The following PPP1R9A variants were observed in gnomAD, a reference collection of about 807,000 sequenced individuals.
PPP1R9A encodes neurabin-1.
PPP1R9A carries 59 observed loss-of-function variants against 141.9 expected under a neutral mutation model. The observed-to-expected ratio is 0.42, with a 90% CI of 0.34 to 0.52. The LOEUF is 0.52. Among genes scored for constraint, PPP1R9A ranks in the 20% least tolerant of loss-of-function variants. PPP1R9A has a pLI of 0.10. For synonymous variants in PPP1R9A, 500 were observed against 569.7 expected (o/e 0.88, Z 1.74); for missense variants, 1,444 against 1,611.9 (o/e 0.90, Z 1.78).
chr7:95,017,909 C>T (rs1462796521), intron 2 of PPP1R9A, among the ~76,000 whole-genome samples: 3 of 152,084 alleles, frequency 2.0e-5, no homozygotes, highest in Non-Finnish European at 4.4e-5. Context: ...ACTATCTTTC[C>T]AAAGACATTT....
chr7:95,140,505 C>G (rs1284686739), intron 4 of PPP1R9A, among the ~76,000 whole-genome samples: 1 of 152,100 alleles, frequency 6.6e-6, no homozygotes, highest in Non-Finnish European at 1.5e-5. Flanking sequence ...ATTCTTTTGC[C>G]TCAGCTTCCC....
chr7:95,175,706 C>T (rs947672921), intron 5 of PPP1R9A, among the ~76,000 whole-genome samples: 1 of 152,044 alleles, frequency 6.6e-6, no homozygotes, highest in African/African-American at 2.4e-5. Context: ...GTGTCATTCA[C>T]ATTAAACTTT....
At chr7:95,173,443 A>C (rs1322472824) in intron 5 of PPP1R9A, among the ~76,000 whole-genome samples, 1 of 152,036 alleles carries the variant, frequency 6.6e-6, no homozygotes, top group Admixed American at 6.6e-5. Flanking sequence ...AAAAATTTTT[A>C]ATGCAATATA....
At chr7:95,135,854 C>CTTTTTTTTT (rs58872136) in intron 4 of PPP1R9A, among the ~76,000 whole-genome samples, 59 of 73,054 alleles carry the variant, frequency 8.1e-4, no homozygotes, top group African/African-American at 1.6e-3. Context: ...TTCAGCTTTA[C>CTTTTTTTTT]TTTTTTTTTT....
At chr7:95,110,759 AAAC>A (rs1266901148) in intron 2 of PPP1R9A, among the ~76,000 whole-genome samples, 2 of 152,218 alleles carry the variant, frequency 1.3e-5, no homozygotes, top group African/African-American at 4.8e-5. Flanking sequence ...GAGGGATGAC[AAAC>A]AAGAGCCCAG....
intron 2 of PPP1R9A, among the ~76,000 whole-genome samples, chr7:95,008,970 C>T (rs1419230116): frequency 6.6e-6 from 1 of 151,970 alleles, no homozygotes; most frequent in Non-Finnish European, 1.5e-5. Flanking sequence ...ACTATGCAGC[C>T]GTAAAAAAGG....
intron 2 of PPP1R9A, among the ~76,000 whole-genome samples, chr7:95,069,698 C>T (rs561316170): frequency 6.6e-6 from 1 of 152,192 alleles, no homozygotes; most frequent in East Asian, 1.9e-4. Context: ...CTGTGTTTTT[C>T]TTGTTAGGTG....
chr7:95,126,860 C>T (rs1455503187), intron 4 of PPP1R9A, among the ~76,000 whole-genome samples: 1 of 152,172 alleles, frequency 6.6e-6, no homozygotes, highest in Non-Finnish European at 1.5e-5. Context: ...TTTCCCGTCA[C>T]AGTAACCATT....
rs370361768 is a variant in PPP1R9A at position 94,910,506 on chromosome 7, C to T, written c.393C>T (p.Tyr131=). 4.1e-4 allele frequency: 665 copies of T among 1,614,116 alleles called. 2 individuals are homozygous for T. The highest frequency in any genetic ancestry group is 9.5e-4 in the Admixed American group (57 of 60,024). The part of the protein sequence containing the change: ...SERISRFDTM[Y]DGPSYSKFTE... ...GAATTAGTAGATTTGACACTATGTA[C>T]GATGGCCCTTCATATTCCAAGTTCA... Residue 131 remains tyrosine, a synonymous_variant, in exon 2 of 20, where the codon TAC becomes TAT. Transcript: ENST00000433360. This position sits in a 1 kb window ranked among gnomAD's most constrained non-coding sequence, Gnocchi z 4.5.
chr7:94,989,949 G>A (rs1303005602), intron 2 of PPP1R9A, among the ~76,000 whole-genome samples: 7 of 151,954 alleles, frequency 4.6e-5, no homozygotes, highest in Non-Finnish European at 1.5e-5. Context: ...AAGACTCTTT[G>A]TTGATCGAGT....
At chr7:95,147,822 A>G (rs1489230985) in intron 4 of PPP1R9A, among the ~76,000 whole-genome samples, 1 of 152,208 alleles carries the variant, frequency 6.6e-6, no homozygotes, top group Non-Finnish European at 1.5e-5. Flanking sequence ...ATGTTGAACC[A>G]GCCTTGCATC....
At chr7:95,254,076 A>G (rs568161680) in intron 12 of PPP1R9A, among the ~76,000 whole-genome samples, 81 of 152,202 alleles carry the variant, frequency 5.3e-4, no homozygotes, top group African/African-American at 1.9e-3. Flanking sequence ...CCCTTTTTCT[A>G]TTCTACACCC....
rs542480938 is a variant in PPP1R9A at position 95,108,526 on chromosome 7, A to G, written c.1396-2733A>G. 3.3e-5 allele frequency among the ~76,000 whole-genome samples: 5 copies of G among 151,706 alleles called. No homozygotes were observed. The East Asian group carries it at 7.8e-4, about 24-fold the overall frequency. ...GGGGTTTCACCGTGTTAGCGAGGAC[A>G]GTCTGGATCTCCTGACCTCATGATC... On this transcript the variant is annotated intron_variant, in intron 2 of 19. Transcript: ENST00000433360.
chr7:95,070,953 G>T (rs912930741), intron 2 of PPP1R9A, among the ~76,000 whole-genome samples: 27 of 151,818 alleles, frequency 1.8e-4, no homozygotes, highest in Admixed American at 7.2e-4. Context: ...ATGTTAATTG[G>T]CTAAAAAAAT....
intron 4 of PPP1R9A, among the ~76,000 whole-genome samples, chr7:95,139,430 G>A (rs1481234750): frequency 6.6e-6 from 1 of 152,152 alleles, no homozygotes; most frequent in African/African-American, 2.4e-5. Flanking sequence ...GATGAGATTA[G>A]GGTGGGGACA....
rs1834203689 is a variant in PPP1R9A at position 95,183,641 on chromosome 7, G to A, written c.1755-14708G>A. Among the ~76,000 whole-genome samples the A allele has an allele frequency of 2.0e-5, 3 of 151,450 alleles. No individual in the cohort carries two copies. In the South Asian group the frequency reaches 6.3e-4, roughly 32 times the overall value. ...TTTTTGTATTTTTAGTAGAGACGGGGTTTCACCATGTTGGCCAGGATGGTC... is the reference window on the plus strand; with the variant it reads ...TTTTTGTATTTTTAGTAGAGACGGGATTTCACCATGTTGGCCAGGATGGTC... On this transcript the variant is annotated intron_variant, in intron 5 of 19. Transcript: ENST00000433360.
At chr7:95,016,711 A>C (rs1805158472) in intron 2 of PPP1R9A, among the ~76,000 whole-genome samples, 1 of 152,162 alleles carries the variant, frequency 6.6e-6, no homozygotes, top group African/African-American at 2.4e-5. Context: ...ACTCATATTT[A>C]ATGGTGAAAG....
chr7:95,286,213 C>T lies in PPP1R9A; in HGVS notation c.3617C>T (p.Thr1206Ile). 1 of 1,612,966 alleles carries T rather than the reference C, an allele frequency of 6.2e-7. No individual in the cohort carries two copies. Among genetic ancestry groups the T allele is most frequent in the Non-Finnish European group, 8.5e-7 (1 of 1,179,224 alleles). Residue 1206 changes from threonine to isoleucine, a missense_variant, in exon 18 of 20, where the codon ACC (threonine) becomes ATC (isoleucine). Coordinates refer to ENST00000433360, the MANE Select transcript of PPP1R9A (RefSeq NM_001166160.2). ...CTTCATTTATTTTTACAGAATTTTA[C>T]CTTCAATGATGACTTCAGTCCCAGC... ...VVWIQETNNF[T>I]FNDDFSPSST... is the part of the protein sequence containing the mutation.
At chr7:95,220,826 G>C (rs1794314194) in intron 7 of PPP1R9A, among the ~76,000 whole-genome samples, 1 of 152,082 alleles carries the variant, frequency 6.6e-6, no homozygotes, top group East Asian at 1.9e-4. Flanking sequence ...AAGGGCAGCA[G>C]CTTCACAGGA....
Sources: gnomAD v4.1 joint callset for allele counts (sites outside exome capture counted in the v4.1 genomes callset) on GRCh38, gnomAD v4.1.1 for gene constraint, Gnocchi (gnomAD v3.1) non-coding constraint, MANE v1.5 for transcripts, NCBI Gene and HGNC (gene_info 2026-07-23, HGNC 2026-07-21) for gene names.